The following SAMD8 variants were observed in gnomAD, a reference collection of about 807,000 sequenced individuals.
SAMD8 encodes the protein sphingomyelin synthase-related protein 1.
A neutral mutation model predicts 42.0 loss-of-function variants in SAMD8; 20 were observed. That is an observed-to-expected ratio of 0.48 (90% CI 0.34 to 0.69). The LOEUF is 0.69. SAMD8 is among the 30% of genes least tolerant of loss of function. The pLI is 0.01. For missense variants in SAMD8, 328 were observed against 511.6 expected, an observed-to-expected ratio of 0.64 and a Z score of 3.46; for synonymous variants, 162 against 173.0, an observed-to-expected ratio of 0.94 and a Z score of 0.50.
intron 1 of SAMD8, among the ~76,000 whole-genome samples, chr10:75,139,466 A>C (rs1839968666): frequency 6.6e-6 from 1 of 152,228 alleles, no homozygotes; most frequent in Non-Finnish European, 1.5e-5. Flanking sequence ...GAGATGGATA[A>C]ATTATTGTAT....
At chr10:75,108,108 T>C (rs1350615177), upstream of SAMD8, 5 of 1,613,830 alleles carry the variant, frequency 3.1e-6, no homozygotes, top group South Asian at 5.5e-5. Flanking sequence ...ACTGCTGCCG[T>C]AGAAGTCAGG....
At chr10:75,158,117 C>T (rs530701629) in intron 2 of SAMD8, among the ~76,000 whole-genome samples, 1 of 150,980 alleles carries the variant, frequency 6.6e-6, no homozygotes, top group African/African-American at 2.4e-5. Flanking sequence ...TGAGATCACA[C>T]CATTGCACTC....
At chr10:75,117,420 T>TAAA (rs56378736) in intron 1 of SAMD8, among the ~76,000 whole-genome samples, 3 of 139,538 alleles carry the variant, frequency 2.1e-5, no homozygotes, top group Non-Finnish European at 4.7e-5. Context: ...GGCCCTATCT[T>TAAA]AAAAAAAAAA....
chr10:75,126,245 C>T (rs894631795), intron 1 of SAMD8, among the ~76,000 whole-genome samples: 6 of 152,180 alleles, frequency 3.9e-5, no homozygotes, highest in Admixed American at 3.9e-4. Flanking sequence ...GAAATAACTT[C>T]TCTTTTCCAA....
rs1008161457 is a variant in SAMD8, at chr10:75,176,964, T to C, written c.*272T>C. On this transcript the variant is annotated 3_prime_UTR_variant, in exon 6 of 6. Coordinates refer to ENST00000542569, the MANE Select transcript of SAMD8 (RefSeq NM_001174156.2). The surrounding 1 kb of genome is among the most constrained non-coding windows in gnomAD (Gnocchi z 4.3). ...TGTGATTGAAGTCAGGCTGTACCCTTACCTGTTGAGTATTTGCTTATTGAA... is the reference window on the plus strand; with the variant it reads ...TGTGATTGAAGTCAGGCTGTACCCTCACCTGTTGAGTATTTGCTTATTGAA... 6 of 310,982 alleles carry C rather than the reference T, an allele frequency of 1.9e-5. No individual in the cohort carries two copies. The East Asian group carries it at 3.6e-4, about 18-fold the overall frequency. 19.3% of individuals were successfully genotyped at this position (310,982 alleles called of 1,614,324 possible).
At chr10:75,148,589 G>T (rs1334370539) in intron 1 of SAMD8, among the ~76,000 whole-genome samples, 3 of 152,074 alleles carry the variant, frequency 2.0e-5, no homozygotes, top group African/African-American at 7.2e-5. Context: ...TCCTGACCTT[G>T]TGATCCACCC....
rs112292579 is a variant in SAMD8, at chr10:75,163,530, C to T, written c.579-1115C>T. ...CTCACTGCAACCTCTGCCTCCCAGG[C>T]TCAAGCCATCCTCCCACCTCAGCCT... On this transcript the variant is annotated intron_variant, in intron 2 of 5. Coordinates refer to ENST00000542569, the MANE Select transcript of SAMD8 (RefSeq NM_001174156.2). Among the ~76,000 whole-genome samples, 508 of 152,202 alleles carry T rather than the reference C, an allele frequency of 3.3e-3. 1 individual carries two copies. The highest frequency in any genetic ancestry group is 0.012 in the African/African-American group (485 of 41,524).
At chr10:75,108,373 G>T, upstream of SAMD8, 2 of 1,319,508 alleles carry the variant, frequency 1.5e-6, no homozygotes, top group Non-Finnish European at 2.0e-6. Flanking sequence ...TATACCCAGA[G>T]CCCCGCACTT....
chr10:75,120,021 T>C (rs1176584578), intron 1 of SAMD8, among the ~76,000 whole-genome samples: 2 of 152,120 alleles, frequency 1.3e-5, no homozygotes, highest in African/African-American at 2.4e-5. Context: ...TGAGCCGAGA[T>C]TGTACCACTG....
At chr10:75,131,682 T>G (rs964116612) in intron 1 of SAMD8, among the ~76,000 whole-genome samples, 2 of 152,190 alleles carry the variant, frequency 1.3e-5, no homozygotes, top group Admixed American at 1.3e-4. Flanking sequence ...AAATCTATAA[T>G]AAATCTTTAA....
At chr10:75,126,286 A>G (rs1849131055) in intron 1 of SAMD8, among the ~76,000 whole-genome samples, 1 of 152,204 alleles carries the variant, frequency 6.6e-6, no homozygotes, top group Non-Finnish European at 1.5e-5. Flanking sequence ...TTAGCAAATT[A>G]GATAAATATC....
At chr10:75,100,248 C>G (rs1439674219) in intron 1 of SAMD8, among the ~76,000 whole-genome samples, 1 of 152,162 alleles carries the variant, frequency 6.6e-6, no homozygotes, top group East Asian at 1.9e-4. Flanking sequence ...CCTCTGCCTC[C>G]GAGGGGACCT....
upstream of SAMD8, among the ~76,000 whole-genome samples, chr10:75,110,602 C>T (rs1589925920): frequency 6.6e-6 from 1 of 152,150 alleles, no homozygotes; most frequent in South Asian, 2.1e-4. Context: ...AGGAGGGGCT[C>T]GTGTCCAGGT....
At chr10:75,114,488 CA>C (rs996433899) in intron 1 of SAMD8, among the ~76,000 whole-genome samples, 7 of 152,154 alleles carry the variant, frequency 4.6e-5, no homozygotes, top group African/African-American at 1.7e-4. Context: ...TGCTTATAAA[CA>C]TTTTTTTATT....
At chr10:75,160,150 AGTGTAATAATC>A (rs949195271) in intron 2 of SAMD8, among the ~76,000 whole-genome samples, 2 of 152,196 alleles carry the variant, frequency 1.3e-5, no homozygotes, top group Non-Finnish European at 2.9e-5. Flanking sequence ...TACCATATAC[AGTGTAATAATC>A]AGTGTTCATA....
At chr10:75,146,959 C>A (rs1840151538) in intron 1 of SAMD8, among the ~76,000 whole-genome samples, 1 of 152,142 alleles carries the variant, frequency 6.6e-6, no homozygotes, top group African/African-American at 2.4e-5. Flanking sequence ...AATTAAAGGG[C>A]ATGCACTGAC....
At chr10:75,133,765 C>T (rs1379761503) in intron 1 of SAMD8, among the ~76,000 whole-genome samples, 1 of 152,140 alleles carries the variant, frequency 6.6e-6, no homozygotes, top group Non-Finnish European at 1.5e-5. Context: ...ACAAGTTAAT[C>T]TTGTAGAAGT....
chr10:75,147,561 C>G (rs1004853632), intron 1 of SAMD8, among the ~76,000 whole-genome samples: 4 of 152,210 alleles, frequency 2.6e-5, no homozygotes, highest in Middle Eastern at 3.4e-3. Context: ...CTCATGACCT[C>G]GTGATCCACC....
At chr10:75,103,830 A>C in intron 1 of SAMD8, 2 of 1,209,280 alleles carry the variant, frequency 1.7e-6, no homozygotes, top group Non-Finnish European at 2.2e-6. Flanking sequence ...CCACTTTCCC[A>C]GGGAACTTGG....
Sources: allele counts gnomAD v4.1 joint callset (sites outside exome capture counted in the v4.1 genomes callset), GRCh38; gene constraint gnomAD v4.1.1; non-coding constraint Gnocchi (gnomAD v3.1); transcripts MANE v1.5; gene names NCBI Gene and HGNC (gene_info 2026-07-23, HGNC 2026-07-21).